AGO3: variants seen among roughly 807,000 people sequenced by gnomAD.
The protein encoded by AGO3 is argonaute RISC catalytic component 3, also known as protein argonaute-3.
AGO3 carries 16 observed loss-of-function variants against 105.5 expected under a neutral mutation model. The observed-to-expected ratio is 0.15, with a 90% CI of 0.10 to 0.23. The LOEUF (loss-of-function observed/expected upper bound fraction) is 0.23, where lower values mean the gene tolerates loss of function less well. Among genes scored for constraint, AGO3 ranks in the 10% least tolerant of loss-of-function variants. The pLI, the probability that AGO3 is intolerant of heterozygous loss-of-function variation, is 1.00. For synonymous variants in AGO3, 340 were observed against 367.3 expected, an observed-to-expected ratio of 0.93 and a Z score of 0.85; for missense variants, 534 against 1,088.0, an observed-to-expected ratio of 0.49 and a Z score of 7.16.
intron 5 of AGO3, among the ~76,000 whole-genome samples, chr1:35,978,792 G>A (rs895360300): frequency 3.9e-5 from 6 of 152,110 alleles, no homozygotes; most frequent in African/African-American, 1.4e-4. Flanking sequence ...AGCTAGATTA[G>A]TAACATGTAC....
chr1:36,008,309 G>T lies in AGO3; in HGVS notation c.794-381G>T, dbSNP rs1640428313. Among the ~76,000 whole-genome samples, 1 of 152,104 alleles carries T rather than the reference G, an allele frequency of 6.6e-6. No individual in the cohort carries two copies. The highest frequency in any genetic ancestry group is 1.9e-4 in the East Asian group (1 of 5,202). On this transcript the variant is annotated intron_variant, in intron 6 of 18. Coordinates refer to ENST00000373191, the MANE Select transcript of AGO3 (RefSeq NM_024852.4). The surrounding 1 kb of genome is among the most constrained non-coding windows in gnomAD (Gnocchi z 5.1). ...AAATATCACATAATTTGAAATTATG[G>T]AATACCTTGAGAATTATTGGATCTC... is the stretch of plus-strand genomic sequence containing the variant.
At chr1:35,946,055 T>C (rs1309830223) in intron 2 of AGO3, among the ~76,000 whole-genome samples, 192 bp downstream of exon 2, 1 of 152,360 alleles carries the variant, frequency 6.6e-6, no homozygotes, top group Non-Finnish European at 1.5e-5. Flanking sequence ...TATTTTGTTA[T>C]AACACGAGCT....
chr1:36,036,336 T>C, intron 14 of AGO3, 69 bp downstream of exon 14: 1 of 1,406,336 alleles, frequency 7.1e-7, no homozygotes, highest in Admixed American at 2.0e-5. Flanking sequence ...TTTCAACTTT[T>C]TGAATTTTAA....
intron 5 of AGO3, among the ~76,000 whole-genome samples, chr1:35,988,111 T>C (rs1189435339): frequency 2.7e-5 from 4 of 150,696 alleles, no homozygotes; most frequent in Non-Finnish European, 5.9e-5. Flanking sequence ...CTTAATGAAA[T>C]GGAAATAAAG....
At chr1:36,045,833 G>A (rs752940290) in intron 17 of AGO3, among the ~76,000 whole-genome samples, 3 of 152,116 alleles carry the variant, frequency 2.0e-5, no homozygotes, top group Admixed American at 6.5e-5. Flanking sequence ...ATGAATCACT[G>A]CACTGGGCCA....
Position 36,059,457 on chromosome 1 carries a change from G to T in AGO3, c.*3712G>T, listed in dbSNP as rs1230247002. 7 of 149,932 alleles carry T rather than the reference G, an allele frequency of 4.7e-5. No individual in the cohort carries two copies. The highest frequency in any genetic ancestry group is 1.0e-4 in the Non-Finnish European group (7 of 67,550). The allele number at this position is 149,932 out of a possible 1,614,324, so 9.3% of individuals were successfully genotyped here. A position where few individuals can be genotyped will look rare whatever the true frequency, so the allele number is the denominator to read the frequency against. ...AATTCACAGTGACCCTTCTGCTCCT[G>T]CCCTTGCTCACTAACTATATCATGA... On this transcript the variant is annotated 3_prime_UTR_variant, in exon 19 of 19. Coordinates refer to ENST00000373191, the MANE Select transcript of AGO3 (RefSeq NM_024852.4).
At position 36,013,657 on chromosome 1, in the gene AGO3, C is replaced by G; in HGVS notation, c.1177C>G (p.Pro393Ala). The G allele has an allele frequency of 1.2e-6, 2 of 1,613,960 alleles. No individual in the cohort carries two copies. The highest frequency in any genetic ancestry group is 1.7e-6 in the Non-Finnish European group (2 of 1,179,974). The change falls in exon 10 of 19, where the codon CCA becomes GCA. Residue 393 changes from proline to alanine, a missense_variant. Physicochemically the swap from Pro to Ala is conservative, Grantham distance 27. Around this residue, in one of 2 missense-constraint regions of AGO3, gnomAD observed 373 missense variants for 854.0 expected, o/e 0.44. Transcript: ENST00000373191. ...AAGAAGTGCAAATTATGAAACAGAT[C>G]CATTTGTTCAGGAGTTTCAATTTAA... is the stretch of plus-strand genomic sequence containing the variant. ...LVRSANYETD[P>A]FVQEFQFKVR...
intron 16 of AGO3, among the ~76,000 whole-genome samples, 199 bp downstream of exon 16, chr1:36,040,640 C>A (rs1472898197): frequency 6.6e-6 from 1 of 152,166 alleles, no homozygotes; most frequent in Non-Finnish European, 1.5e-5. Flanking sequence ...TCCAAATATT[C>A]AAAATCTCAT....
chr1:35,939,329 G>A (rs781323995), intron 1 of AGO3, among the ~76,000 whole-genome samples: 1 of 151,894 alleles, frequency 6.6e-6, no homozygotes, highest in Non-Finnish European at 1.5e-5. Flanking sequence ...TTTGCTTTGT[G>A]CCAAATTATT....
rs780977105 is a variant in AGO3 at position 36,009,630 on chromosome 1, A to G, written c.1149+36A>G. 6 of 1,589,854 alleles carry G rather than the reference A, an allele frequency of 3.8e-6. No homozygotes were observed. The East Asian group carries it at 6.7e-5, about 18-fold the overall frequency. On this transcript the variant is annotated intron_variant, in intron 9 of 18. Coordinates refer to ENST00000373191, the MANE Select transcript of AGO3 (RefSeq NM_024852.4). ...AACCTTAGAAATGAGAATTTAAAAC[A>G]TATTAGGGTGAACTGTAATACTAGA...
At chr1:35,956,447 G>A (rs1025118794) in intron 2 of AGO3, among the ~76,000 whole-genome samples, 29 of 152,168 alleles carry the variant, frequency 1.9e-4, no homozygotes, top group East Asian at 5.8e-4. Context: ...ATTGTGATTC[G>A]TCAGCATGTA....
intron 4 of AGO3, among the ~76,000 whole-genome samples, chr1:35,972,635 T>C (rs548038955): frequency 6.6e-6 from 1 of 152,224 alleles, no homozygotes; most frequent in South Asian, 2.1e-4. Flanking sequence ...GTGTAGGGTA[T>C]GCTCCTGTGT....
chr1:35,933,808 C>T (rs1339727176), intron 1 of AGO3, among the ~76,000 whole-genome samples: 1 of 151,846 alleles, frequency 6.6e-6, no homozygotes, highest in Non-Finnish European at 1.5e-5. Context: ...CAGGAATCAT[C>T]TTGTGATAGG....
chr1:36,058,795 T>A lies in AGO3; in HGVS notation c.*3050T>A, dbSNP rs887998525. ...GTATATACATTTTTTCTCCCAGCCTTCTCCCATCTCCTCCAGAAAAATTTC... is the reference window on the plus strand; with the variant it reads ...GTATATACATTTTTTCTCCCAGCCTACTCCCATCTCCTCCAGAAAAATTTC... On this transcript the variant is annotated 3_prime_UTR_variant, in exon 19 of 19. Coordinates refer to ENST00000373191, the MANE Select transcript of AGO3 (RefSeq NM_024852.4). The A allele has an allele frequency of 1.3e-5, 2 of 152,156 alleles. No individual in the cohort carries two copies. The highest frequency in any genetic ancestry group is 2.9e-5 in the Non-Finnish European group (2 of 68,006). 9.4% of individuals were successfully genotyped at this position (152,156 alleles called of 1,614,324 possible). A position where few individuals can be genotyped will look rare whatever the true frequency, so the allele number is the denominator to read the frequency against.
rs1642898646 is a variant in AGO3, at chr1:36,055,785, T to C, written c.*40T>C. 1.3e-6 allele frequency: 2 copies of C among 1,594,762 alleles called. No homozygotes were observed. Among genetic ancestry groups the C allele is most frequent in the South Asian group, 2.2e-5 (2 of 90,568 alleles). On this transcript the variant is annotated 3_prime_UTR_variant, in exon 19 of 19. Coordinates refer to ENST00000373191, the MANE Select transcript of AGO3 (RefSeq NM_024852.4). This position sits in a 1 kb window ranked among gnomAD's most constrained non-coding sequence, Gnocchi z 4.4. ...TTCTCTGAGAGGAAGTACTGAAAGA[T>C]GAATTGACATACAACGTATGTTTCC...
intron 9 of AGO3, among the ~76,000 whole-genome samples, chr1:36,010,633 T>C (rs942546688): frequency 1.4e-5 from 2 of 139,630 alleles, no homozygotes; most frequent in Non-Finnish European, 3.1e-5. Context: ...GAAGGTCGGG[T>C]GCGGTGGCTC....
At chr1:35,945,897 A>AT in intron 2 of AGO3, 34 bp downstream of exon 2, 1 of 1,577,838 alleles carries the variant, frequency 6.3e-7, no homozygotes, top group Non-Finnish European at 8.7e-7. Context: ...ATCTTTTGCT[A>AT]TTTTTTTCCT....
At chr1:36,034,089 G>C (rs1487908598) in intron 12 of AGO3, 85 bp from the exon 13 acceptor site, 15 of 1,307,214 alleles carry the variant, frequency 1.1e-5, no homozygotes, top group Non-Finnish European at 1.3e-5. Context: ...GATTTTAAGG[G>C]GGAAACATAG....
intron 1 of AGO3, among the ~76,000 whole-genome samples, chr1:35,944,370 A>G (rs2148748213): frequency 6.6e-6 from 1 of 152,064 alleles, no homozygotes; most frequent in South Asian, 2.1e-4. Flanking sequence ...TTAGTGTATC[A>G]GTAAGTTTTA....
Sources: gnomAD v4.1 joint callset for allele counts (sites outside exome capture counted in the v4.1 genomes callset) on GRCh38, gnomAD v4.1.1 for gene constraint, gnomAD v4.1.1 regional missense constraint, Gnocchi (gnomAD v3.1) non-coding constraint, MANE v1.5 for transcripts, NCBI Gene and HGNC (gene_info 2026-07-23, HGNC 2026-07-21) for gene names.